The following SAMD4A variants were observed in gnomAD, a reference collection of about 807,000 sequenced individuals.
The protein encoded by SAMD4A is protein Smaug homolog 1.
A neutral mutation model predicts 81.3 loss-of-function variants in SAMD4A; 33 were observed. The ratio of observed to expected loss-of-function variants is 0.41; its 90% CI spans 0.31 to 0.54. The LOEUF (loss-of-function observed/expected upper bound fraction) is 0.54, where lower values mean the gene tolerates loss of function less well. Among genes scored for constraint, SAMD4A ranks in the 20% least tolerant of loss-of-function variants. The pLI, the probability that SAMD4A is intolerant of heterozygous loss-of-function variation, is 0.37. For missense variants in SAMD4A, 854 were observed against 951.1 expected (o/e 0.90, Z 1.34); for synonymous variants, 389 against 382.1 (o/e 1.02, Z -0.21).
Position 54,770,011 on chromosome 14 carries a change from A to C in SAMD4A, c.1597-93A>C, listed in dbSNP as rs866933760. 1.9e-5 allele frequency: 15 copies of C among 793,800 alleles called. 1 individual carries two copies. The Middle Eastern group carries it at 3.5e-3, about 187-fold the overall frequency. The allele number at this position is 793,800 out of a possible 1,614,324, so 49.2% of individuals were successfully genotyped here. On this transcript the variant is annotated intron_variant, in intron 8 of 12. Transcript: ENST00000554335. ...AAACAGGTGAAGAAAAGGCAACTGC[A>C]GAGACTCCAATGTTTTCCCCTTATT...
intron 10 of SAMD4A, 60 bp downstream of exon 10, chr14:54,775,195 G>A (rs2038811097): frequency 1.3e-6 from 2 of 1,596,952 alleles, no homozygotes; most frequent in South Asian, 1.1e-5. Context: ...GGCTGCAGAT[G>A]TCCCCCCAGG....
At chr14:54,640,019 G>T in intron 2 of SAMD4A, among the ~76,000 whole-genome samples, 1 of 129,292 alleles carries the variant, frequency 7.7e-6, no homozygotes, top group African/African-American at 3.0e-5. Flanking sequence ...AAATATCTAT[G>T]TTTGATAAAA....
chr14:54,638,757 A>G (rs952383950), intron 2 of SAMD4A, among the ~76,000 whole-genome samples: 1 of 152,186 alleles, frequency 6.6e-6, no homozygotes, highest in African/African-American at 2.4e-5. Context: ...ACCCAGACTA[A>G]TTTATCTCAT....
chr14:54,763,827 C>T (rs766617680), intron 7 of SAMD4A, among the ~76,000 whole-genome samples: 108 of 152,314 alleles, frequency 7.1e-4, no homozygotes, highest in East Asian at 1.9e-4. Context: ...ATACTCTACC[C>T]GCAGACTAAC....
chr14:54,568,702 T>C (rs1254801348), intron 2 of SAMD4A, among the ~76,000 whole-genome samples: 5 of 82,346 alleles, frequency 6.1e-5, no homozygotes, highest in Non-Finnish European at 1.3e-4. Context: ...TATATATATA[T>C]ATATATATAT....
intron 2 of SAMD4A, among the ~76,000 whole-genome samples, chr14:54,631,405 G>A (rs1035956133): frequency 8.5e-5 from 13 of 152,172 alleles, no homozygotes; most frequent in Non-Finnish European, 1.5e-4. Flanking sequence ...AAATGATGCT[G>A]TCCTCCTCTG....
At chr14:54,582,207 T>C (rs2033487707) in intron 2 of SAMD4A, among the ~76,000 whole-genome samples, 1 of 152,192 alleles carries the variant, frequency 6.6e-6, no homozygotes, top group Admixed American at 6.5e-5. Context: ...GTTCACAACA[T>C]TTTAGATAGG....
At chr14:54,620,907 A>C (rs1421465276) in intron 2 of SAMD4A, among the ~76,000 whole-genome samples, 1 of 152,150 alleles carries the variant, frequency 6.6e-6, no homozygotes, top group Non-Finnish European at 1.5e-5. Flanking sequence ...CTGCAGGTAC[A>C]CACCACCATG....
upstream of SAMD4A, among the ~76,000 whole-genome samples, chr14:54,566,770 C>T (rs2032950016): frequency 6.6e-6 from 1 of 151,962 alleles, no homozygotes; most frequent in African/African-American, 2.4e-5. Context: ...CACACGCACA[C>T]GCGCGCGCAC....
intron 3 of SAMD4A, among the ~76,000 whole-genome samples, chr14:54,717,601 A>G (rs61976998): frequency 0.089 from 13,565 of 152,226 alleles, 726 homozygotes; most frequent in South Asian, 0.13. Flanking sequence ...GACCACATTT[A>G]TAGATTTGTT....
intron 2 of SAMD4A, among the ~76,000 whole-genome samples, chr14:54,607,792 T>C (rs1010841947): frequency 6.6e-6 from 1 of 152,050 alleles, no homozygotes; most frequent in Non-Finnish European, 1.5e-5. Flanking sequence ...ATTTCTGTAT[T>C]GCTTCATTGT....
chr14:54,662,311 G>C (rs1393915101), intron 2 of SAMD4A, among the ~76,000 whole-genome samples: 2 of 152,194 alleles, frequency 1.3e-5, no homozygotes, highest in African/African-American at 4.8e-5. Context: ...AGCTGAGATT[G>C]AGGCTGTGCC....
chr14:54,758,404 A>G (rs1430895886), intron 6 of SAMD4A, among the ~76,000 whole-genome samples: 1 of 152,260 alleles, frequency 6.6e-6, no homozygotes, highest in East Asian at 1.9e-4. Context: ...TTGGGTGCAG[A>G]AATGATCACA....
At chr14:54,569,632 C>T (rs1253160646) in intron 2 of SAMD4A, among the ~76,000 whole-genome samples, 1 of 152,230 alleles carries the variant, frequency 6.6e-6, no homozygotes, top group Admixed American at 6.5e-5. Flanking sequence ...ATGATCCACC[C>T]TCTTTGCTTC....
chr14:54,775,221 G>C, intron 10 of SAMD4A, 86 bp downstream of exon 10: 2 of 1,492,926 alleles, frequency 1.3e-6, no homozygotes, highest in African/African-American at 2.8e-5. Flanking sequence ...CCAGGGTGGG[G>C]AGAGAGGCCA....
chr14:54,650,907 A>G (rs897421501), intron 2 of SAMD4A, among the ~76,000 whole-genome samples: 7 of 152,062 alleles, frequency 4.6e-5, no homozygotes, highest in South Asian at 4.2e-4. Flanking sequence ...TTTCATCCCT[A>G]CCGAGGTCTC....
At chr14:54,571,615 T>C (rs138927280) in intron 2 of SAMD4A, among the ~76,000 whole-genome samples, 5 of 152,320 alleles carry the variant, frequency 3.3e-5, no homozygotes, top group Admixed American at 1.3e-4. Context: ...TTGTGTATGT[T>C]TGTGGTAAGT....
intron 2 of SAMD4A, among the ~76,000 whole-genome samples, chr14:54,634,731 GT>G: frequency 1.5e-5 from 1 of 67,768 alleles, no homozygotes; most frequent in East Asian, 7.2e-4. Context: ...CTGTCTGTCT[GT>G]CTGTCTGTCT....
At chr14:54,566,456 T>C (rs1371191934), upstream of SAMD4A, among the ~76,000 whole-genome samples, 1 of 151,510 alleles carries the variant, frequency 6.6e-6, no homozygotes, top group African/African-American at 2.4e-5. Flanking sequence ...GAAGGCTGAG[T>C]CGCTGGGTTC....
Sources: gnomAD v4.1 joint callset for allele counts (sites outside exome capture counted in the v4.1 genomes callset) on GRCh38, gnomAD v4.1.1 for gene constraint, MANE v1.5 for transcripts, NCBI Gene and HGNC (gene_info 2026-07-23, HGNC 2026-07-21) for gene names.